The following FER1L6 variants were observed in gnomAD, a reference collection of about 807,000 sequenced individuals.
The protein encoded by FER1L6 is fer-1-like protein 6.
A neutral mutation model predicts 219.2 loss-of-function variants in FER1L6; 177 were observed. The ratio of observed to expected loss-of-function variants is 0.81; its 90% confidence interval spans 0.71 to 0.91. The LOEUF (loss-of-function observed/expected upper bound fraction) is 0.91. FER1L6 is among the 40% of genes least tolerant of loss of function. FER1L6 has a pLI of 0.00. For synonymous variants in FER1L6, 768 were observed against 824.3 expected (o/e 0.93, Z 1.17); for missense variants, 2,153 against 2,259.9 (o/e 0.95, Z 0.96).
chr8:123,863,719 C>T (rs1255017470), intron 1 of FER1L6, among the ~76,000 whole-genome samples: 1 of 147,570 alleles, frequency 6.8e-6, no homozygotes, highest in Non-Finnish European at 1.5e-5. Flanking sequence ...GAATTGATCC[C>T]TTTACCATTA....
chr8:124,023,487 A>G lies in FER1L6; in HGVS notation c.2177A>G (p.Asn726Ser), dbSNP rs755518388. 16 of 1,614,162 alleles carry G rather than the reference A, an allele frequency of 9.9e-6. No individual in the cohort carries two copies. In the South Asian group the frequency reaches 1.6e-4, roughly 17 times the overall value. Residue 726 changes from asparagine (N) to serine (S), a missense_variant, in exon 18 of 41, where the codon AAC becomes AGC. Physicochemically the swap from Asn to Ser is conservative, Grantham distance 46 (BLOSUM62 1). Transcript: ENST00000522917. ...GACGTTTTCATCTGGATGCTCAGCA[A>G]CAACAGGAGAGTGGCCTATGCCCGC... is the stretch of plus-strand genomic sequence containing the variant. ...IPDVFIWMLS[N>S]NRRVAYARIA...
Position 124,096,026 on chromosome 8 carries a change from T to C in FER1L6, c.4695+988T>C, listed in dbSNP as rs1258604249. 8.5e-5 allele frequency among the ~76,000 whole-genome samples: 13 copies of C among 152,294 alleles called. No homozygotes were observed. The South Asian group carries it at 1.9e-3, about 22-fold the overall frequency. Reference sequence around the variant, plus strand: ...CACTCACTGTGTGAGGGGAAAATCATGTGAGTTTGATTATAATGGGTCAGA... The same window carrying C: ...CACTCACTGTGTGAGGGGAAAATCACGTGAGTTTGATTATAATGGGTCAGA... On this transcript the variant is annotated intron_variant, in intron 35 of 40. Coordinates refer to ENST00000522917, the MANE Select transcript of FER1L6 (RefSeq NM_001039112.2).
At chr8:124,091,657 A>G (rs1009029911) in intron 34 of FER1L6, 74 bp downstream of exon 34, 2 of 1,497,982 alleles carry the variant, frequency 1.3e-6, no homozygotes, top group Non-Finnish European at 1.8e-6. Context: ...ATTTTTGGCT[A>G]TGGGACATCT....
chr8:124,108,014 G>A (rs1008712111), intron 39 of FER1L6, among the ~76,000 whole-genome samples: 7 of 152,298 alleles, frequency 4.6e-5, no homozygotes, highest in Middle Eastern at 3.4e-3. Flanking sequence ...ATAATGAGAG[G>A]GGTGGATTCC....
Position 123,921,276 on chromosome 8 carries a change from G to A in FER1L6, c.-7-34716G>A, listed in dbSNP as rs186422623. 4.6e-5 allele frequency among the ~76,000 whole-genome samples: 7 copies of A among 152,260 alleles called. No individual in the cohort carries two copies. In the East Asian group the frequency reaches 1.3e-3, roughly 29 times the overall value. ...AGTAACCGCCATTCTGTTTCCTAAA[G>A]TGTCTGTACCATTTTACGTTCCTGC... is the stretch of plus-strand genomic sequence containing the variant. On this transcript the variant is annotated intron_variant, in intron 1 of 40. Transcript: ENST00000522917.
chr8:123,996,518 T>C (rs755724564), intron 12 of FER1L6, among the ~76,000 whole-genome samples: 4 of 152,150 alleles, frequency 2.6e-5, no homozygotes, highest in Non-Finnish European at 5.9e-5. Flanking sequence ...TCTATGTGTA[T>C]TTATAAGTGA....
At position 123,882,165 on chromosome 8, in the gene FER1L6, C is replaced by T. The variant is rs567711712; in HGVS notation, c.-8+29980C>T. Among the ~76,000 whole-genome samples, 13 of 150,996 alleles carry T rather than the reference C, an allele frequency of 8.6e-5. No homozygotes were observed. The South Asian group carries it at 2.1e-3, about 24-fold the overall frequency. ...ACCCAAAGGGAATGTCCTGGAACTC[C>T]GGCCCACAAAACCACATTTTTTTTT... is the stretch of plus-strand genomic sequence containing the variant. On this transcript the variant is annotated intron_variant, in intron 1 of 40. Coordinates refer to ENST00000522917, the MANE Select transcript of FER1L6 (RefSeq NM_001039112.2).
At chr8:124,070,157 C>T (rs549291041) in intron 29 of FER1L6, among the ~76,000 whole-genome samples, 5 of 152,246 alleles carry the variant, frequency 3.3e-5, no homozygotes, top group African/African-American at 1.2e-4. Flanking sequence ...GTATTATAGT[C>T]TATATCCAAC....
intron 1 of FER1L6, among the ~76,000 whole-genome samples, chr8:123,905,767 A>G (rs746232272): frequency 9.9e-5 from 15 of 152,140 alleles, no homozygotes; most frequent in Non-Finnish European, 1.8e-4. Flanking sequence ...AAATGTAGCT[A>G]TTATTATTTT....
intron 5 of FER1L6, among the ~76,000 whole-genome samples, chr8:123,968,206 A>G (rs1815646210): frequency 6.6e-6 from 1 of 152,180 alleles, no homozygotes; most frequent in African/African-American, 2.4e-5. Flanking sequence ...ATATATGAAA[A>G]TGCTTTAAAA....
intron 11 of FER1L6, among the ~76,000 whole-genome samples, chr8:123,983,407 T>C (rs1816411667): frequency 6.6e-6 from 1 of 152,222 alleles, no homozygotes; most frequent in Non-Finnish European, 1.5e-5. Context: ...TAGCTTCTTA[T>C]TTAAATGTCA....
intron 1 of FER1L6, among the ~76,000 whole-genome samples, chr8:123,855,104 C>T (rs893294160): frequency 3.9e-5 from 6 of 152,108 alleles, no homozygotes; most frequent in Non-Finnish European, 5.9e-5. Flanking sequence ...ACGGATTTAC[C>T]TATTTTGGAG....
chr8:124,101,487 A>G, intron 38 of FER1L6, 149 bp downstream of exon 38: 2 of 674,708 alleles, frequency 3.0e-6, no homozygotes, highest in Non-Finnish European at 4.9e-6. Context: ...AGCCATTAAT[A>G]GGGAATGGTT....
chr8:123,895,310 A>C (rs1295702542), intron 1 of FER1L6, among the ~76,000 whole-genome samples: 6 of 152,220 alleles, frequency 3.9e-5, no homozygotes, highest in Non-Finnish European at 5.9e-5. Context: ...AACAAAATGC[A>C]ATGTATGATT....
At chr8:123,897,001 C>T (rs1043508919) in intron 1 of FER1L6, among the ~76,000 whole-genome samples, 1 of 152,170 alleles carries the variant, frequency 6.6e-6, no homozygotes, top group African/African-American at 2.4e-5. Context: ...GCATCTCTTT[C>T]TAGTCAATTA....
At position 124,060,606 on chromosome 8, in the gene FER1L6, C is replaced by T; in HGVS notation, c.3044C>T (p.Pro1015Leu). 1.9e-6 allele frequency: 3 copies of T among 1,614,064 alleles called. No individual in the cohort carries two copies. Among genetic ancestry groups the T allele is most frequent in the Non-Finnish European group, 2.5e-6 (3 of 1,179,994 alleles). Residue 1015 changes from proline to leucine, a missense_variant, in exon 24 of 41, where the codon CCT becomes CTT. By Grantham distance (98) the Pro-to-Leu change is moderately conservative. Transcript: ENST00000522917. ...GTGCAGCTCCTCTCTGTGGATCGGC[C>T]TCAGGCTCTCATTGAGTGCGGAGGA... ...KKVQLLSVDR[P>L]QALIECGGQG...
intron 11 of FER1L6, chr8:123,985,663 T>A: frequency 6.2e-6 from 1 of 161,390 alleles, no homozygotes; most frequent in Non-Finnish European, 1.3e-5. Context: ...AAAGTTGTGC[T>A]CAAATCTAAG....
At chr8:123,861,141 CT>C (rs1171905704) in intron 1 of FER1L6, among the ~76,000 whole-genome samples, 7 of 116,018 alleles carry the variant, frequency 6.0e-5, no homozygotes, top group Non-Finnish European at 1.2e-4. Flanking sequence ...TTTAATCCAT[CT>C]TGAATTGATT....
intron 15 of FER1L6, among the ~76,000 whole-genome samples, chr8:124,015,385 T>G (rs367872996): frequency 2.8e-4 from 43 of 151,646 alleles, no homozygotes; most frequent in African/African-American, 9.7e-4. Flanking sequence ...ATATGAGAAC[T>G]TGTCATAATG....
Sources: allele counts gnomAD v4.1 joint callset (sites outside exome capture counted in the v4.1 genomes callset), GRCh38; gene constraint gnomAD v4.1.1; transcripts MANE v1.5; gene names NCBI Gene and HGNC (gene_info 2026-07-23, HGNC 2026-07-21).